CA5B: variants seen among roughly 807,000 people sequenced by gnomAD.
The protein encoded by CA5B is carbonic anhydrase 5B.
In CA5B, 15 loss-of-function variants were observed where a neutral mutation model predicts 23.1. The observed-to-expected ratio is 0.65, with a 90% confidence interval of 0.43 to 1.00. CA5B has a LOEUF of 1.00. Ranked by LOEUF, CA5B falls within the 50% of genes least tolerant of loss-of-function variation. CA5B has a pLI of 0.00. For missense variants in CA5B, 236 were observed against 252.2 expected, an observed-to-expected ratio of 0.94 and a Z score of 0.43; for synonymous variants, 84 against 98.5, an observed-to-expected ratio of 0.85 and a Z score of 0.87.
At chrX:15,761,984 A>T (rs1485179833) in intron 2 of CA5B, among the ~76,000 whole-genome samples, 1 of 112,153 alleles carries the variant, frequency 8.9e-6, no homozygotes, top group Non-Finnish European at 1.9e-5. Flanking sequence ...ATACTGACTT[A>T]CGGTCAGGCG....
intron 1 of CA5B, among the ~76,000 whole-genome samples, chrX:15,739,281 A>T (rs928022269): frequency 6.3e-5 from 7 of 111,564 alleles, no homozygotes; most frequent in Non-Finnish European, 1.1e-4. Context: ...TCTGCTGTTT[A>T]AAAGTCTTGC....
At chrX:15,754,927 A>G (rs1269670471) in intron 2 of CA5B, among the ~76,000 whole-genome samples, 2 of 112,362 alleles carry the variant, frequency 1.8e-5, no homozygotes, top group Non-Finnish European at 3.8e-5. Context: ...AATTCATTAA[A>G]TTTTTATAGC....
chrX:15,777,479 C>T (rs1223112690), intron 7 of CA5B, among the ~76,000 whole-genome samples: 1 of 110,971 alleles, frequency 9.0e-6, no homozygotes, highest in Non-Finnish European at 1.9e-5. Flanking sequence ...AAAAAGCTTC[C>T]AAATTCTTTT....
chrX:15,752,485 C>T (rs6653983), intron 2 of CA5B, among the ~76,000 whole-genome samples: 7 of 111,677 alleles, frequency 6.3e-5, no homozygotes, highest in South Asian at 3.7e-4. Flanking sequence ...CAGCACTTTG[C>T]GAGGCCGAGG....
At position 15,750,139 on chromosome X, in the gene CA5B, G is replaced by A; in HGVS notation, c.116G>A (p.Cys39Tyr). 1 of 1,210,661 alleles carries A rather than the reference G, an allele frequency of 8.3e-7. No individual in the cohort carries two copies. The highest frequency in any genetic ancestry group is 1.1e-6 in the Non-Finnish European group (1 of 894,951). ...MPARPCSLYT[C>Y]TYKTRNRALH... ...GCGAGGCCCTGCAGCCTCTATACTTGTACTTACAAAACCCGGAACCGAGCC... is the reference window on the plus strand; with the variant it reads ...GCGAGGCCCTGCAGCCTCTATACTTATACTTACAAAACCCGGAACCGAGCC... Residue 39 changes from cysteine (C) to tyrosine (Y), a missense_variant, in exon 2 of 8, where the codon TGT becomes TAT. Coordinates refer to ENST00000318636, the MANE Select transcript of CA5B (RefSeq NM_007220.4).
intron 7 of CA5B, among the ~76,000 whole-genome samples, chrX:15,777,480 A>G (rs1000126800): frequency 8.9e-6 from 1 of 111,780 alleles, no homozygotes; most frequent in Admixed American, 9.6e-5. Context: ...AAAAGCTTCC[A>G]AATTCTTTTT....
intron 2 of CA5B, among the ~76,000 whole-genome samples, chrX:15,752,646 A>G (rs1370858352): frequency 1.8e-5 from 2 of 109,774 alleles, no homozygotes; most frequent in Non-Finnish European, 3.8e-5. Context: ...AATGGCGTGA[A>G]CCCGGGAGGC....
At position 15,782,784 on chromosome X, in the gene CA5B, A is replaced by G; in HGVS notation, c.*120A>G. 1 of 534,544 alleles carries G rather than the reference A, an allele frequency of 1.9e-6. No individual in the cohort carries two copies. The highest frequency in any genetic ancestry group is 2.9e-6 in the Non-Finnish European group (1 of 340,950). The allele number at this position is 534,544 out of a possible 1,213,427, so 44.1% of individuals were successfully genotyped here. On this transcript the variant is annotated 3_prime_UTR_variant, in exon 8 of 8. Coordinates refer to ENST00000318636, the MANE Select transcript of CA5B (RefSeq NM_007220.4). ...TAATATTTACAGATGTGCATTTCTT[A>G]GCATGAGAGTGCTTCATCAGTCTTT...
At chrX:15,778,182 A>T (rs776918577) in intron 7 of CA5B, among the ~76,000 whole-genome samples, 5 of 112,093 alleles carry the variant, frequency 4.5e-5, no homozygotes, top group Non-Finnish European at 7.5e-5. Context: ...AGAAAACTTA[A>T]AATGTTCCTG....
chrX:15,772,070 G>A (rs967687462), intron 3 of CA5B, among the ~76,000 whole-genome samples: 13 of 111,815 alleles, frequency 1.2e-4, no homozygotes, highest in Non-Finnish European at 2.3e-4. Context: ...CAATGAAAGG[G>A]AAAGCAACAC....
At position 15,782,558 on chromosome X, in the gene CA5B, C is replaced by A. The variant is rs187583957; in HGVS notation, c.848C>A (p.Pro283His). ...KEKRMVDNFR[P>H]LQPLMNRTVR... ...AAAAGAATGGTGGACAACTTCCGCC[C>A]CCTTCAGCCACTGATGAATCGCACT... The change falls in exon 8 of 8, where the codon CCC (proline) becomes CAC (histidine). Residue 283 changes from proline (P) to histidine (H), a missense_variant. Pro to His is a moderately conservative substitution (Grantham distance 77, BLOSUM62 -2). Transcript: ENST00000318636. 11 of 1,208,167 alleles carry A rather than the reference C, an allele frequency of 9.1e-6. No homozygotes were observed. The Admixed American group carries it at 2.4e-4, about 26-fold the overall frequency.
chrX:15,781,041 C>T (rs890741894), intron 7 of CA5B, among the ~76,000 whole-genome samples: 3 of 107,958 alleles, frequency 2.8e-5, no homozygotes, highest in Non-Finnish European at 5.8e-5. Flanking sequence ...TCCAGTGGCG[C>T]GTGCCCAGGT....
At chrX:15,745,264 C>T (rs887835027) in intron 1 of CA5B, among the ~76,000 whole-genome samples, 2 of 110,262 alleles carry the variant, frequency 1.8e-5, no homozygotes, top group East Asian at 2.8e-4. Flanking sequence ...GGACAAATAC[C>T]GTACGATCCC....
intron 7 of CA5B, among the ~76,000 whole-genome samples, chrX:15,779,474 A>G (rs942650724): frequency 1.8e-5 from 2 of 112,367 alleles, no homozygotes; most frequent in Admixed American, 1.9e-4. Context: ...CATAAAATTA[A>G]CCATCACAGG....
chrX:15,773,620 AG>A (rs1931864321), intron 4 of CA5B, among the ~76,000 whole-genome samples: 1 of 110,203 alleles, frequency 9.1e-6, no homozygotes, highest in Non-Finnish European at 1.9e-5. Flanking sequence ...CGTGTTAGCC[AG>A]GATGGTCTCG....
At position 15,782,663 on chromosome X, in the gene CA5B, A is replaced by G. The variant is rs779838885; in HGVS notation, c.953A>G (p.Ter318=). Residue 318 remains the stop codon, a stop_retained_variant, in exon 8 of 8, where the codon TAA becomes TGA. Transcript: ENST00000318636. The part of the protein sequence containing the change: ...PKPATSQATP[*] ...CCGGCCACCAGCCAAGCAACCCCCT[A>G]AAACATTCATATCTAGGCAGTATTT... 4 of 1,180,164 alleles carry G rather than the reference A, an allele frequency of 3.4e-6. No individual in the cohort carries two copies. Among genetic ancestry groups the G allele is most frequent in the African/African-American group, 1.8e-5 (1 of 56,087 alleles).
At chrX:15,780,472 C>G (rs1019420062) in intron 7 of CA5B, among the ~76,000 whole-genome samples, 5 of 110,768 alleles carry the variant, frequency 4.5e-5, no homozygotes, top group Admixed American at 2.9e-4. Flanking sequence ...TGGGGTTTCA[C>G]TGTGTTGGCC....
chrX:15,775,891 T>C (rs1357425310), intron 6 of CA5B: 1 of 749,205 alleles, frequency 1.3e-6, no homozygotes, highest in Non-Finnish European at 1.6e-6. Context: ...TCTCCCCCCA[T>C]CCCCCACTCT....
chrX:15,741,382 CAA>C (rs1291464062), intron 1 of CA5B, among the ~76,000 whole-genome samples: 31 of 36,232 alleles, frequency 8.6e-4, no homozygotes, highest in Middle Eastern at 0.019. Context: ...GACCCTGTCT[CAA>C]AAAAAAAAAA....
Sources: gnomAD v4.1 joint callset for allele counts (sites outside exome capture counted in the v4.1 genomes callset) on GRCh38, gnomAD v4.1.1 for gene constraint, MANE v1.5 for transcripts, NCBI Gene and HGNC (gene_info 2026-07-23, HGNC 2026-07-21) for gene names.